Variants in HS6ST3 observed in about 807,000 individuals in gnomAD.
HS6ST3 encodes heparan sulfate 6-O-sulfotransferase 3, also known as heparan-sulfate 6-O-sulfotransferase 3.
HS6ST3 carries 12 observed loss-of-function variants against 36.7 expected under a neutral mutation model. The ratio of observed to expected loss-of-function variants is 0.33; its 90% confidence interval spans 0.21 to 0.53. The LOEUF is 0.53. Ranked by LOEUF, HS6ST3 falls within the 20% of genes least tolerant of loss-of-function variation. The pLI is 0.95. For synonymous variants in HS6ST3, 240 were observed against 257.5 expected, an observed-to-expected ratio of 0.93 and a Z score of 0.65; for missense variants, 584 against 640.9, an observed-to-expected ratio of 0.91 and a Z score of 0.96.
intron 1 of HS6ST3, among the ~76,000 whole-genome samples, chr13:96,112,632 G>A (rs1334622273): frequency 2.5e-5 from 2 of 79,980 alleles, no homozygotes; most frequent in Non-Finnish European, 5.5e-5. Context: ...TGCCCGGCTG[G>A]TGGTGTACAC....
At chr13:96,168,335 C>G (rs958920336) in intron 1 of HS6ST3, among the ~76,000 whole-genome samples, 4 of 152,052 alleles carry the variant, frequency 2.6e-5, no homozygotes, top group Non-Finnish European at 5.9e-5. Context: ...TATCATTGAC[C>G]AGTTGTTTAA....
At chr13:96,817,648 T>G (rs1252098341) in intron 1 of HS6ST3, among the ~76,000 whole-genome samples, 2 of 152,248 alleles carry the variant, frequency 1.3e-5, no homozygotes, top group East Asian at 1.9e-4. Context: ...CTTTTTCTTT[T>G]GGTTGCAGTT....
intron 1 of HS6ST3, among the ~76,000 whole-genome samples, chr13:96,822,976 C>T (rs1305153656): frequency 6.6e-6 from 1 of 152,198 alleles, no homozygotes; most frequent in Non-Finnish European, 1.5e-5. Flanking sequence ...GTTTCCCTAA[C>T]ATCATGTCAC....
intron 1 of HS6ST3, among the ~76,000 whole-genome samples, chr13:96,251,181 C>T (rs117441565): frequency 0.018 from 2,684 of 152,168 alleles, 32 homozygotes; most frequent in East Asian, 0.054. Context: ...TTTAGGTCTT[C>T]GGTAGAATTC....
intron 1 of HS6ST3, among the ~76,000 whole-genome samples, chr13:96,184,481 G>T (rs1358379302): frequency 2.0e-5 from 3 of 152,076 alleles, no homozygotes; most frequent in Non-Finnish European, 4.4e-5. Context: ...TTTACCCCCA[G>T]AATGTATCTC....
intron 1 of HS6ST3, among the ~76,000 whole-genome samples, chr13:96,459,338 T>A (rs770725156): frequency 6.6e-6 from 1 of 152,080 alleles, no homozygotes; most frequent in South Asian, 2.1e-4. Flanking sequence ...GTTCTGAGCC[T>A]GAGATATCAC....
At chr13:96,175,506 T>TA (rs1290755673) in intron 1 of HS6ST3, among the ~76,000 whole-genome samples, 1 of 151,964 alleles carries the variant, frequency 6.6e-6, no homozygotes, top group Non-Finnish European at 1.5e-5. Context: ...ATTGTTTTTT[T>TA]AAAAAAAATA....
intron 1 of HS6ST3, among the ~76,000 whole-genome samples, chr13:96,107,287 A>G (rs1307380934): frequency 1.3e-5 from 2 of 152,138 alleles, no homozygotes; most frequent in Non-Finnish European, 2.9e-5. Context: ...TGAAATTGAG[A>G]TGCTGGAGTG....
intron 1 of HS6ST3, among the ~76,000 whole-genome samples, chr13:96,696,642 C>T (rs1001524872): frequency 7.2e-5 from 11 of 152,150 alleles, no homozygotes; most frequent in Non-Finnish European, 1.6e-4. Context: ...GTCTGTTGGT[C>T]TCCTAACATA....
intron 1 of HS6ST3, among the ~76,000 whole-genome samples, chr13:96,782,547 G>A (rs1877550672): frequency 6.6e-6 from 1 of 152,140 alleles, no homozygotes; most frequent in Admixed American, 6.6e-5. Flanking sequence ...CAGGGAAATG[G>A]AGCTGGCGGG....
At chr13:96,290,591 T>G (rs7983697) in intron 1 of HS6ST3, among the ~76,000 whole-genome samples, 136,577 of 152,050 alleles carry the variant, frequency 0.9, 61,602 homozygotes, top group African/African-American at 0.97. Context: ...GCTACCATGA[T>G]CTCTTGCCTG....
intron 1 of HS6ST3, chr13:96,573,678 G>T: frequency 3.4e-6 from 1 of 293,272 alleles, no homozygotes; most frequent in Non-Finnish European, 6.5e-6. Flanking sequence ...AGGCTGTTGT[G>T]AGAGCAAGAA....
At chr13:96,446,606 C>T (rs917596853) in intron 1 of HS6ST3, among the ~76,000 whole-genome samples, 2 of 152,080 alleles carry the variant, frequency 1.3e-5, no homozygotes, top group South Asian at 2.1e-4. Flanking sequence ...CTTATTCTGG[C>T]GGTTTCTTTT....
At chr13:96,720,644 A>G (rs1875820813) in intron 1 of HS6ST3, among the ~76,000 whole-genome samples, 2 of 152,176 alleles carry the variant, frequency 1.3e-5, no homozygotes, top group South Asian at 4.1e-4. Flanking sequence ...CTATTTCACC[A>G]TCCTTTGCTT....
At position 96,570,508 on chromosome 13, in the gene HS6ST3, C is replaced by T. The variant is rs540294461; in HGVS notation, c.708-261982C>T. On this transcript the variant is annotated intron_variant, in intron 1 of 1. Coordinates refer to ENST00000376705, the MANE Select transcript of HS6ST3 (RefSeq NM_153456.4). ...GCACTCTGGTTTGCAGCCTAAATTACGGGTCAGGGAGTTGAGACTTTGGGT... is the reference window on the plus strand; with the variant it reads ...GCACTCTGGTTTGCAGCCTAAATTATGGGTCAGGGAGTTGAGACTTTGGGT... Among the ~76,000 whole-genome samples the T allele has an allele frequency of 2.6e-5, 4 of 152,274 alleles. No individual in the cohort carries two copies. In the South Asian group the frequency reaches 6.2e-4, roughly 24 times the overall value.
chr13:96,115,871 A>C (rs1259248202), intron 1 of HS6ST3, among the ~76,000 whole-genome samples: 1 of 152,122 alleles, frequency 6.6e-6, no homozygotes, highest in African/African-American at 2.4e-5. Flanking sequence ...AACAGTGTAA[A>C]AGTTTTCCTG....
chr13:96,118,879 T>G (rs1489692522), intron 1 of HS6ST3, among the ~76,000 whole-genome samples: 1 of 147,694 alleles, frequency 6.8e-6, no homozygotes, highest in Non-Finnish European at 1.5e-5. Flanking sequence ...CCCGGCTAAT[T>G]TTTTGTATTT....
In HS6ST3 at chr13:96,338,880, T is replaced by C. The variant is rs139212438; in HGVS notation, c.707+247311T>C. Among the ~76,000 whole-genome samples, 422 of 152,282 alleles carry C rather than the reference T, an allele frequency of 2.8e-3. 4 individuals carry two copies. The highest frequency in any genetic ancestry group is 9.7e-3 in the African/African-American group (404 of 41,556). On this transcript the variant is annotated intron_variant, in intron 1 of 1. Transcript: ENST00000376705. The stretch of plus-strand genomic sequence containing the variant: ...GGAACTAACTTACACTGAAATTCTC[T>C]TTCAAAAAAACAAGACTCTTTGCTT...
At chr13:96,235,611 T>G (rs1362503209) in intron 1 of HS6ST3, among the ~76,000 whole-genome samples, 1 of 152,022 alleles carries the variant, frequency 6.6e-6, no homozygotes, top group Non-Finnish European at 1.5e-5. Flanking sequence ...TTCCTTGTCC[T>G]CTATTATTTT....
Sources: gnomAD v4.1 joint callset for allele counts (sites outside exome capture counted in the v4.1 genomes callset) on GRCh38, gnomAD v4.1.1 for gene constraint, MANE v1.5 for transcripts, NCBI Gene and HGNC (gene_info 2026-07-23, HGNC 2026-07-21) for gene names.